Variants in SLC25A21 observed in about 807,000 individuals in gnomAD.
The protein encoded by SLC25A21 is mitochondrial 2-oxodicarboxylate carrier.
SLC25A21 carries 47 observed loss-of-function variants against 43.8 expected under a neutral mutation model. That is an observed-to-expected ratio of 1.07 (90% CI 0.85 to 1.37). The LOEUF (loss-of-function observed/expected upper bound fraction) is 1.37, where lower values mean the gene tolerates loss of function less well. SLC25A21 is among the 40% of genes most tolerant of loss of function. SLC25A21 has a pLI of 0.00. For missense variants in SLC25A21, 352 were observed against 350.2 expected (o/e 1.00, Z -0.04); for synonymous variants, 131 against 121.3 (o/e 1.08, Z -0.52).
intron 3 of SLC25A21, among the ~76,000 whole-genome samples, chr14:36,748,655 T>C (rs1278605536): frequency 1.3e-5 from 2 of 152,206 alleles, no homozygotes; most frequent in Non-Finnish European, 2.9e-5. Flanking sequence ...TGAAAAACAA[T>C]GCAGAAGACA....
chr14:37,118,930 T>C (rs987781722), intron 1 of SLC25A21, among the ~76,000 whole-genome samples: 2 of 152,056 alleles, frequency 1.3e-5, no homozygotes, highest in Non-Finnish European at 2.9e-5. Flanking sequence ...AGTCACAGGA[T>C]GAGATACAAG....
chr14:36,837,585 G>GCTGTGGGGCCATGTC (rs770313269), intron 2 of SLC25A21, among the ~76,000 whole-genome samples: 23 of 152,146 alleles, frequency 1.5e-4, no homozygotes, highest in Non-Finnish European at 2.5e-4. Context: ...GTCCTTGAGG[G>GCTGTGGGGCCATGTC]CTGTGGGGCC....
At chr14:37,036,126 CT>C (rs1961321232) in intron 1 of SLC25A21, among the ~76,000 whole-genome samples, 1 of 152,176 alleles carries the variant, frequency 6.6e-6, no homozygotes, top group Non-Finnish European at 1.5e-5. Context: ...GCAAAGGTGC[CT>C]GGCCAATGAT....
chr14:36,731,313 T>G (rs1884816840), intron 4 of SLC25A21, among the ~76,000 whole-genome samples: 1 of 152,206 alleles, frequency 6.6e-6, no homozygotes, highest in Non-Finnish European at 1.5e-5. Flanking sequence ...TCATCATCAC[T>G]TTGACAGTCA....
At chr14:36,854,221 CATATG>C (rs1424013488) in intron 2 of SLC25A21, among the ~76,000 whole-genome samples, 6 of 152,144 alleles carry the variant, frequency 3.9e-5, no homozygotes, top group Non-Finnish European at 8.8e-5. Context: ...GTAAAACGTG[CATATG>C]ATATATTAAT....
chr14:36,859,604 A>G (rs1890006815), intron 2 of SLC25A21, among the ~76,000 whole-genome samples: 1 of 152,196 alleles, frequency 6.6e-6, no homozygotes, highest in Admixed American at 6.5e-5. Context: ...TTCAGATGAC[A>G]GTTTGTAGGT....
intron 1 of SLC25A21, among the ~76,000 whole-genome samples, chr14:37,159,667 G>T (rs535762642): frequency 1.3e-5 from 2 of 152,226 alleles, no homozygotes; most frequent in East Asian, 3.9e-4. Flanking sequence ...ATTGGTTTCA[G>T]CAAGGAATTT....
At chr14:36,978,281 A>G (rs1959928480) in intron 1 of SLC25A21, among the ~76,000 whole-genome samples, 1 of 152,226 alleles carries the variant, frequency 6.6e-6, no homozygotes, top group East Asian at 1.9e-4. Flanking sequence ...AGCGATTACT[A>G]CAATAAGGTG....
intron 3 of SLC25A21, among the ~76,000 whole-genome samples, chr14:36,777,838 T>C (rs1354456492): frequency 1.3e-5 from 2 of 152,194 alleles, no homozygotes; most frequent in Non-Finnish European, 2.9e-5. Context: ...ACATCCCCCA[T>C]TCCACAAGCC....
chr14:37,162,409 T>C (rs1274727788), intron 1 of SLC25A21, among the ~76,000 whole-genome samples: 1 of 149,440 alleles, frequency 6.7e-6, no homozygotes, highest in African/African-American at 2.5e-5. Context: ...AGGGCTAATA[T>C]CCAGAATCTA....
chr14:37,155,128 T>C (rs1236865449), intron 1 of SLC25A21, among the ~76,000 whole-genome samples: 4 of 151,948 alleles, frequency 2.6e-5, no homozygotes, highest in African/African-American at 9.7e-5. Context: ...TGGAGTGCAG[T>C]GGCACGATCT....
At chr14:37,133,647 C>T (rs750699275) in intron 1 of SLC25A21, among the ~76,000 whole-genome samples, 3 of 151,858 alleles carry the variant, frequency 2.0e-5, no homozygotes, top group African/African-American at 4.8e-5. Context: ...AAACCACCAA[C>T]ACCTGCCCTA....
chr14:37,069,809 C>A (rs906344099), intron 1 of SLC25A21, among the ~76,000 whole-genome samples: 1 of 152,116 alleles, frequency 6.6e-6, no homozygotes, highest in Non-Finnish European at 1.5e-5. Context: ...ATACAAATGG[C>A]TGGGTCTCAT....
At chr14:36,841,617 T>C (rs1391934340) in intron 2 of SLC25A21, among the ~76,000 whole-genome samples, 2 of 152,246 alleles carry the variant, frequency 1.3e-5, no homozygotes, top group Non-Finnish European at 2.9e-5. Flanking sequence ...TGCTCATTGG[T>C]TGACTCCAGC....
intron 7 of SLC25A21, among the ~76,000 whole-genome samples, chr14:36,695,197 G>A (rs1332676813): frequency 1.3e-5 from 2 of 152,072 alleles, no homozygotes; most frequent in African/African-American, 2.4e-5. Flanking sequence ...TTTTTGTCAG[G>A]TTTGTCAAAG....
At chr14:37,003,507 T>C (rs1197642351) in intron 1 of SLC25A21, among the ~76,000 whole-genome samples, 1 of 152,138 alleles carries the variant, frequency 6.6e-6, no homozygotes, top group Non-Finnish European at 1.5e-5. Context: ...TTTGTAATAG[T>C]TAAAAACTGA....
intron 2 of SLC25A21, among the ~76,000 whole-genome samples, chr14:36,817,422 A>G (rs931293422): frequency 6.6e-6 from 1 of 152,110 alleles, no homozygotes; most frequent in Non-Finnish European, 1.5e-5. Flanking sequence ...GACAAGAACA[A>G]TGGCCAGTGA....
chr14:36,840,723 C>T (rs139827805), intron 2 of SLC25A21, among the ~76,000 whole-genome samples: 11 of 152,334 alleles, frequency 7.2e-5, no homozygotes, highest in African/African-American at 2.6e-4. Context: ...ACACAAGCTT[C>T]TTAGTCTTTC....
At chr14:36,836,300 G>T (rs886377218) in intron 2 of SLC25A21, among the ~76,000 whole-genome samples, 1 of 152,186 alleles carries the variant, frequency 6.6e-6, no homozygotes, top group Non-Finnish European at 1.5e-5. Flanking sequence ...ATTGGCATTT[G>T]CTACAACCCA....
Sources: allele counts gnomAD v4.1 joint callset (sites outside exome capture counted in the v4.1 genomes callset), GRCh38; gene constraint gnomAD v4.1.1; transcripts MANE v1.5; gene names NCBI Gene and HGNC (gene_info 2026-07-23, HGNC 2026-07-21).